The following NPAS3 variants were observed in gnomAD, a reference collection of about 807,000 sequenced individuals.
NPAS3 encodes neuronal PAS domain protein 3.
In NPAS3, 14 loss-of-function variants were observed where a neutral mutation model predicts 73.1. The observed-to-expected ratio is 0.19, with a 90% CI of 0.13 to 0.30. NPAS3 has a LOEUF of 0.30. Ranked by LOEUF, NPAS3 falls within the 10% of genes least tolerant of loss-of-function variation. The pLI, the probability that NPAS3 is intolerant of heterozygous loss-of-function variation, is 1.00. For missense variants in NPAS3, 1,096 were observed against 1,250.0 expected, an observed-to-expected ratio of 0.88 and a Z score of 1.86; for synonymous variants, 620 against 541.5, an observed-to-expected ratio of 1.14 and a Z score of -2.01.
intron 4 of NPAS3, among the ~76,000 whole-genome samples, chr14:33,454,705 C>T (rs1052656250): frequency 1.4e-4 from 22 of 152,084 alleles, no homozygotes; most frequent in Non-Finnish European, 2.6e-4. Context: ...ACAGGGGATT[C>T]GGGAAATAAA....
intron 1 of NPAS3, among the ~76,000 whole-genome samples, chr14:33,028,473 T>C (rs2039881398): frequency 6.6e-6 from 1 of 152,180 alleles, no homozygotes; most frequent in Non-Finnish European, 1.5e-5. Context: ...AACACAAAAC[T>C]TTGTGCTATA....
intron 3 of NPAS3, among the ~76,000 whole-genome samples, chr14:33,229,925 T>G (rs985654515): frequency 3.3e-5 from 5 of 152,212 alleles, no homozygotes; most frequent in Non-Finnish European, 7.3e-5. Flanking sequence ...AGCATTTGGC[T>G]TCTGCTCCTG....
intron 5 of NPAS3, among the ~76,000 whole-genome samples, chr14:33,620,947 T>C (rs1338187488): frequency 6.6e-6 from 1 of 152,194 alleles, no homozygotes; most frequent in African/African-American, 2.4e-5. Context: ...AACTTAAGTC[T>C]GGCCAGATAT....
intron 1 of NPAS3, among the ~76,000 whole-genome samples, chr14:32,983,690 T>C (rs1315597243): frequency 6.6e-6 from 1 of 152,118 alleles, no homozygotes. Flanking sequence ...TCATGCAATT[T>C]ATAACACATA....
intron 4 of NPAS3, among the ~76,000 whole-genome samples, chr14:33,465,493 G>C (rs2050465739): frequency 6.6e-6 from 1 of 152,100 alleles, no homozygotes; most frequent in South Asian, 2.1e-4. Flanking sequence ...AGTGTTCTTG[G>C]TGTTATTACT....
At chr14:33,753,868 T>C (rs1683634581) in intron 7 of NPAS3, among the ~76,000 whole-genome samples, 1 of 152,162 alleles carries the variant, frequency 6.6e-6, no homozygotes, top group African/African-American at 2.4e-5. Context: ...AGCTCTCTTT[T>C]CCTAAGTTAG....
At chr14:33,783,723 T>A (rs1044357360) in intron 9 of NPAS3, among the ~76,000 whole-genome samples, 6 of 152,182 alleles carry the variant, frequency 3.9e-5, no homozygotes, top group Middle Eastern at 3.4e-3. Flanking sequence ...CTGCTGCGCT[T>A]ACTACACTGT....
intron 3 of NPAS3, among the ~76,000 whole-genome samples, chr14:33,328,413 T>C (rs1259408409): frequency 6.7e-6 from 1 of 149,840 alleles, no homozygotes; most frequent in Non-Finnish European, 1.5e-5. Flanking sequence ...ATTTTATTTA[T>C]TGATGTTTTT....
At chr14:33,659,898 G>T (rs976233292) in intron 5 of NPAS3, among the ~76,000 whole-genome samples, 2 of 152,054 alleles carry the variant, frequency 1.3e-5, no homozygotes, top group African/African-American at 4.8e-5. Context: ...GAATCCCCAG[G>T]TATAAAGGAA....
chr14:33,471,052 G>A (rs372395137), intron 4 of NPAS3, among the ~76,000 whole-genome samples: 4 of 151,984 alleles, frequency 2.6e-5, no homozygotes, highest in South Asian at 2.1e-4. Flanking sequence ...CCAGTTATAC[G>A]CTGTCCTCCA....
intron 6 of NPAS3, among the ~76,000 whole-genome samples, chr14:33,715,033 C>T (rs2060921313): frequency 6.6e-6 from 1 of 152,184 alleles, no homozygotes. Flanking sequence ...TATTGAGCAG[C>T]TTTGATTTAA....
chr14:33,548,753 C>G (rs992807787), intron 4 of NPAS3, among the ~76,000 whole-genome samples: 2 of 152,212 alleles, frequency 1.3e-5, no homozygotes, highest in African/African-American at 2.4e-5. Context: ...CAGGCTAACA[C>G]TCTGTGCTGC....
intron 5 of NPAS3, among the ~76,000 whole-genome samples, chr14:33,595,117 G>C (rs1366109451): frequency 6.6e-6 from 1 of 152,148 alleles, no homozygotes; most frequent in East Asian, 1.9e-4. Context: ...AATTTCTCTG[G>C]ATGTGTACCT....
intron 3 of NPAS3, among the ~76,000 whole-genome samples, chr14:33,260,580 TCAG>T (rs968564870): frequency 1.4e-4 from 22 of 152,192 alleles, no homozygotes; most frequent in African/African-American, 5.3e-4. Context: ...TTGAGAATCA[TCAG>T]CAGCAGATCA....
intron 4 of NPAS3, among the ~76,000 whole-genome samples, chr14:33,485,528 T>G (rs2051542390): frequency 6.6e-6 from 1 of 152,244 alleles, no homozygotes; most frequent in South Asian, 2.1e-4. Flanking sequence ...GACCTCTGGA[T>G]TTAGAGGTCC....
intron 5 of NPAS3, among the ~76,000 whole-genome samples, chr14:33,596,552 G>A (rs1239418856): frequency 2.0e-5 from 3 of 152,116 alleles, no homozygotes; most frequent in Non-Finnish European, 2.9e-5. Context: ...AAAAATTGTT[G>A]GAATATCTCA....
At chr14:33,469,456 T>C (rs1477433159) in intron 4 of NPAS3, among the ~76,000 whole-genome samples, 3 of 152,194 alleles carry the variant, frequency 2.0e-5, no homozygotes, top group Admixed American at 6.5e-5. Flanking sequence ...CAAAAAGGTA[T>C]ATAACTTACT....
At chr14:33,684,059 G>A (rs890511738) in intron 6 of NPAS3, among the ~76,000 whole-genome samples, 2 of 152,004 alleles carry the variant, frequency 1.3e-5, no homozygotes, top group Non-Finnish European at 2.9e-5. Flanking sequence ...TAGAGGAAAG[G>A]GTACAATATT....
chr14:33,300,309 C>T (rs2042477438), intron 3 of NPAS3, among the ~76,000 whole-genome samples: 2 of 152,178 alleles, frequency 1.3e-5, no homozygotes, highest in African/African-American at 4.8e-5. Flanking sequence ...TTTAATTGCT[C>T]TTGATGCTTG....
Sources: allele counts gnomAD v4.1 joint callset (sites outside exome capture counted in the v4.1 genomes callset), GRCh38; gene constraint gnomAD v4.1.1; transcripts MANE v1.5; gene names NCBI Gene and HGNC (gene_info 2026-07-23, HGNC 2026-07-21).